XDH: variants seen among roughly 807,000 people sequenced by gnomAD.
XDH encodes the protein xanthine dehydrogenase/oxidase.
XDH carries 138 observed loss-of-function variants against 156.1 expected under a neutral mutation model. The ratio of observed to expected loss-of-function variants is 0.88; its 90% CI spans 0.77 to 1.02. The LOEUF is 1.02. Among genes scored for constraint, XDH ranks in the 50% least tolerant of loss-of-function variants. The pLI, the probability that XDH is intolerant of heterozygous loss-of-function variation, is 0.00. For synonymous variants in XDH, 669 were observed against 625.7 expected (o/e 1.07, Z -1.03); for missense variants, 1,849 against 1,684.9 (o/e 1.10, Z -1.71).
intron 15 of XDH, among the ~76,000 whole-genome samples, chr2:31,374,211 C>A (rs974037146): frequency 3.3e-5 from 5 of 152,084 alleles, no homozygotes; most frequent in Admixed American, 3.3e-4. Context: ...CTCCAACACC[C>A]CAAACTCTTT....
chr2:31,357,345 T>C (rs1200878876), intron 24 of XDH, among the ~76,000 whole-genome samples: 3 of 152,116 alleles, frequency 2.0e-5, no homozygotes, highest in Non-Finnish European at 2.9e-5. Context: ...GACAAACCTC[T>C]GGCAAGACAG....
At chr2:31,365,872 G>A in intron 22 of XDH, 104 bp downstream of exon 22, 1 of 1,567,752 alleles carries the variant, frequency 6.4e-7, no homozygotes, top group African/African-American at 1.3e-5. Context: ...TCAAAGCAGG[G>A]GGAAACTAAT....
chr2:31,382,869 A>G, intron 11 of XDH, 132 bp downstream of exon 11: 2 of 1,340,534 alleles, frequency 1.5e-6, no homozygotes, highest in Non-Finnish European at 2.1e-6. Context: ...TTTAACAAGC[A>G]CTGCTCCTCC....
At position 31,342,294 on chromosome 2, in the gene XDH, T is replaced by C. The variant is rs1421667950; in HGVS notation, c.3408A>G (p.Thr1136=). ...TCTCAAAGCTGTAGCCCAGATTGGG[T>C]GTTCTGGGAGAGGAAAGAGAAGGTA... ...VSLSATGFYR[T]PNLGYSFETN... The change falls in exon 32 of 36, where the codon ACA becomes ACG. Residue 1136 remains threonine, a synonymous_variant. Transcript: ENST00000379416. The C allele has an allele frequency of 8.1e-6, 13 of 1,613,438 alleles. No homozygotes were observed. Among genetic ancestry groups the C allele is most frequent in the African/African-American group, 1.3e-5 (1 of 74,900 alleles).
chr2:31,413,231 T>C (rs1687389444), intron 1 of XDH, among the ~76,000 whole-genome samples: 1 of 152,232 alleles, frequency 6.6e-6, no homozygotes, highest in Admixed American at 6.5e-5. Context: ...GAGATGGCTT[T>C]GTGTAAGTAG....
chr2:31,337,609 T>G (rs1684999456), intron 35 of XDH, 32 bp downstream of exon 35: 1 of 1,613,134 alleles, frequency 6.2e-7, no homozygotes, highest in African/African-American at 1.3e-5. Flanking sequence ...TGGCCTCCCC[T>G]GGACTGAGTG....
At position 31,388,207 on chromosome 2, in the gene XDH, G is replaced by T; in HGVS notation, c.564+20C>A. ...TCTCAGATTACCCCCAGGCTTCCAGGGGGAGAAGAACTCACTTACTGAGTG... is the reference window on the plus strand; with the variant it reads ...TCTCAGATTACCCCCAGGCTTCCAGTGGGAGAAGAACTCACTTACTGAGTG... On this transcript the variant is annotated intron_variant, in intron 7 of 35. Coordinates refer to ENST00000379416, the MANE Select transcript of XDH (RefSeq NM_000379.4). The T allele has an allele frequency of 3.7e-6, 6 of 1,613,940 alleles. No homozygotes were observed. Among genetic ancestry groups the T allele is most frequent in the Non-Finnish European group, 5.1e-6 (6 of 1,179,850 alleles).
chr2:31,372,466 A>G (rs1686101344), intron 16 of XDH, 69 bp from the exon 17 acceptor site: 5 of 1,604,358 alleles, frequency 3.1e-6, no homozygotes, highest in Admixed American at 1.7e-5. Context: ...CCCAGGGGAC[A>G]CTGGTGAGCT....
rs758635609 is a variant in XDH at position 31,405,921 on chromosome 2, T to C, written c.86A>G (p.Tyr29Cys). The C allele has an allele frequency of 3.7e-6, 6 of 1,614,198 alleles. No homozygotes were observed. The East Asian group carries it at 8.9e-5, about 24-fold the overall frequency. Residue 29 changes from tyrosine to cysteine, a missense_variant, in exon 2 of 36, where the codon TAC becomes TGC. Transcript: ENST00000379416. Reference protein sequence around the residue: ...NADPETTLLAYLRRKLGLSGT... With the variant: ...NADPETTLLACLRRKLGLSGT... The stretch of plus-strand genomic sequence containing the variant: ...AGTCAGGATACACTTTCTTCTCAGG[T>C]AGGCCAAAAGGGTTGTCTCTGGATC...
chr2:31,354,426 C>T (rs936656826), intron 24 of XDH, among the ~76,000 whole-genome samples: 4 of 152,052 alleles, frequency 2.6e-5, no homozygotes, highest in Admixed American at 1.3e-4. Context: ...TAAAAGATAA[C>T]CAAGAGATGC....
chr2:31,379,484 C>T (rs1411532346), intron 13 of XDH, among the ~76,000 whole-genome samples: 2 of 152,216 alleles, frequency 1.3e-5, no homozygotes, highest in African/African-American at 4.8e-5. Flanking sequence ...TGCTGGTCAT[C>T]TCCACTGGCT....
chr2:31,355,524 G>A (rs1296269091), intron 24 of XDH, among the ~76,000 whole-genome samples: 1 of 152,080 alleles, frequency 6.6e-6, no homozygotes, highest in Non-Finnish European at 1.5e-5. Context: ...AGGGAGGTAA[G>A]TTTTCTATAC....
chr2:31,356,722 A>AT (rs1369986102), intron 24 of XDH, among the ~76,000 whole-genome samples: 1 of 152,206 alleles, frequency 6.6e-6, no homozygotes, highest in African/African-American at 2.4e-5. Context: ...ATTTGTGGTG[A>AT]TTTGTTATAA....
chr2:31,352,898 T>TTTC (rs1402312651), intron 24 of XDH, among the ~76,000 whole-genome samples: 1 of 151,680 alleles, frequency 6.6e-6, no homozygotes, highest in Non-Finnish European at 1.5e-5. Context: ...TTTTTTTTTT[T>TTTC]TTCAAAGAGA....
intron 14 of XDH, among the ~76,000 whole-genome samples, chr2:31,376,470 T>C (rs946811219): frequency 6.7e-6 from 1 of 149,280 alleles, no homozygotes; most frequent in Non-Finnish European, 1.5e-5. Flanking sequence ...GTAGTAGTAG[T>C]AATTTCAGTA....
At chr2:31,411,469 T>G (rs970722700) in intron 1 of XDH, among the ~76,000 whole-genome samples, 29 of 152,056 alleles carry the variant, frequency 1.9e-4, no homozygotes, top group African/African-American at 6.3e-4. Context: ...TCTGTGTGTG[T>G]GTCCAGAGTG....
chr2:31,378,159 GAAGGAAGGAAGGAAGGAAGCAAGC>G lies in XDH; in HGVS notation c.1243-946_1243-923del, dbSNP rs1229145310. Among the ~76,000 whole-genome samples the G allele has an allele frequency of 4.2e-3, 501 of 119,078 alleles. 22 individuals carry two copies. Among genetic ancestry groups the G allele is most frequent in the African/African-American group, 0.012 (411 of 33,980 alleles). The allele number at this position is 119,078 out of a possible 152,430, so 78.1% of individuals were successfully genotyped here. ...GGAAGGAAGGAAGGAAGGAAGGAAG[GAAGGAAGGAAGGAAGGAAGCAAGC>G]AAGCAAGCAAAGCAAGAAAGCAAGC... On this transcript the variant is annotated intron_variant, in intron 13 of 35. Coordinates refer to ENST00000379416, the MANE Select transcript of XDH (RefSeq NM_000379.4).
At chr2:31,361,753 C>T (rs1288520210) in intron 24 of XDH, among the ~76,000 whole-genome samples, 1 of 152,098 alleles carries the variant, frequency 6.6e-6, no homozygotes, top group African/African-American at 2.4e-5. Context: ...ATTTTGGACA[C>T]TTAGCATTTC....
In XDH at chr2:31,372,384, C is replaced by T; in HGVS notation, c.1700G>A (p.Gly567Asp). ...DVQLFQEVPK[G>D]QSEEDMVGRP... ...GCCCACCATGTCCTCCTCAGACTGA[C>T]CCTTGGGCACCTCCTGGAATGACAG... The change falls in exon 17 of 36, where the codon GGT (glycine) becomes GAT (aspartate). Residue 567 changes from glycine (G) to aspartate (D), a missense_variant. Physicochemically the swap from Gly to Asp is moderately conservative, Grantham distance 94. Transcript: ENST00000379416. 1 of 1,614,076 alleles carries T rather than the reference C, an allele frequency of 6.2e-7. No individual in the cohort carries two copies. Among genetic ancestry groups the T allele is most frequent in the Non-Finnish European group, 8.5e-7 (1 of 1,180,046 alleles).
Sources: gnomAD v4.1 joint callset for allele counts (sites outside exome capture counted in the v4.1 genomes callset) on GRCh38, gnomAD v4.1.1 for gene constraint, MANE v1.5 for transcripts, NCBI Gene and HGNC (gene_info 2026-07-23, HGNC 2026-07-21) for gene names.